The following AOX1 variants were observed in gnomAD, a reference collection of about 807,000 sequenced individuals.
AOX1 encodes the protein aldehyde oxidase.
A neutral mutation model predicts 169.5 loss-of-function variants in AOX1; 153 were observed. The observed-to-expected ratio is 0.90, with a 90% CI of 0.79 to 1.03. The LOEUF is 1.03. Among genes scored for constraint, AOX1 ranks in the 50% least tolerant of loss-of-function variants. The pLI, the probability that AOX1 is intolerant of heterozygous loss-of-function variation, is 0.00. For missense variants in AOX1, 1,656 were observed against 1,663.9 expected, an observed-to-expected ratio of 1.00 and a Z score of 0.08; for synonymous variants, 562 against 581.9, an observed-to-expected ratio of 0.97 and a Z score of 0.49.
intron 10 of AOX1, among the ~76,000 whole-genome samples, chr2:200,607,903 T>A (rs773139587): frequency 6.6e-6 from 1 of 152,008 alleles, no homozygotes; most frequent in Admixed American, 6.6e-5. Flanking sequence ...TACTCATAAG[T>A]GGGAGTTGAA....
intron 5 of AOX1, among the ~76,000 whole-genome samples, chr2:200,600,526 T>C (rs2034391430): frequency 6.6e-6 from 1 of 152,104 alleles, no homozygotes; most frequent in Non-Finnish European, 1.5e-5. Flanking sequence ...TTTTAAGTGA[T>C]ACCCTCTCAA....
intron 24 of AOX1, among the ~76,000 whole-genome samples, chr2:200,642,346 C>T (rs1391919590): frequency 6.6e-6 from 1 of 151,856 alleles, no homozygotes; most frequent in Non-Finnish European, 1.5e-5. Flanking sequence ...TATCAAAGGC[C>T]TTTGTATATA....
Position 200,668,770 on chromosome 2 carries a change from T to C in AOX1, c.3765T>C (p.Pro1255=). The change falls in exon 33 of 35, where the codon CCT becomes CCC. Residue 1255 remains proline, a synonymous_variant. Coordinates refer to ENST00000374700, the MANE Select transcript of AOX1 (RefSeq NM_001159.4). The part of the protein sequence containing the change: ...PTELHIALLP[P]SQNSNTLYSS... The stretch of plus-strand genomic sequence containing the variant: ...AGTTGCACATTGCTTTGTTGCCTCC[T>C]TCTCAAAACTCAAATACTCTTTATT... The C allele has an allele frequency of 1.9e-6, 3 of 1,614,126 alleles. No homozygotes were observed. Among genetic ancestry groups the C allele is most frequent in the Non-Finnish European group, 2.5e-6 (3 of 1,180,012 alleles).
chr2:200,656,272 AGCACAG>A (rs1464754140), intron 26 of AOX1, among the ~76,000 whole-genome samples: 1 of 151,992 alleles, frequency 6.6e-6, no homozygotes, highest in Non-Finnish European at 1.5e-5. Flanking sequence ...ATTCTAGTTT[AGCACAG>A]GCAGATACGC....
intron 6 of AOX1, among the ~76,000 whole-genome samples, chr2:200,602,998 A>C (rs911054585): frequency 6.6e-6 from 1 of 152,184 alleles, no homozygotes; most frequent in African/African-American, 2.4e-5. Flanking sequence ...AATCATTATT[A>C]ATATTTACTA....
intron 16 of AOX1, among the ~76,000 whole-genome samples, chr2:200,618,897 A>C (rs531290223): frequency 2.6e-5 from 4 of 152,376 alleles, no homozygotes; most frequent in Admixed American, 6.5e-5. Flanking sequence ...GGGGGGATCC[A>C]GACAGCTTGT....
downstream of AOX1, chr2:200,678,541 C>A (rs2036128064): frequency 1.3e-5 from 2 of 152,142 alleles, no homozygotes; most frequent in Non-Finnish European, 1.5e-5. Flanking sequence ...GAAATAAGAT[C>A]AACCAACCTA....
intron 16 of AOX1, 59 bp from the exon 17 acceptor site, chr2:200,620,591 A>G: frequency 1.4e-6 from 2 of 1,380,008 alleles, no homozygotes; most frequent in Non-Finnish European, 1.9e-6. Context: ...TGTGCATAAT[A>G]ATAATTCCTA....
chr2:200,595,620 C>G (rs2034267210), intron 3 of AOX1, among the ~76,000 whole-genome samples: 1 of 152,026 alleles, frequency 6.6e-6, no homozygotes, highest in African/African-American at 2.4e-5. Context: ...ACATTTCTAG[C>G]TACTTGGGAG....
At chr2:200,608,918 G>C in intron 10 of AOX1, 66 bp from the exon 11 acceptor site, 5 of 1,428,720 alleles carry the variant, frequency 3.5e-6, no homozygotes, top group Non-Finnish European at 4.8e-6. Context: ...CTGTAGCTTT[G>C]GTCTAATGGA....
chr2:200,603,324 A>T lies in AOX1; in HGVS notation c.556A>T (p.Asn186Tyr). The T allele has an allele frequency of 6.2e-7, 1 of 1,614,024 alleles. No homozygotes were observed. The highest frequency in any genetic ancestry group is 8.5e-7 in the Non-Finnish European group (1 of 1,179,938). The change falls in exon 7 of 35, where the codon AAT becomes TAT. Residue 186 changes from asparagine (N) to tyrosine (Y), a missense_variant. Physicochemically the swap from Asn to Tyr is moderately radical, Grantham distance 143. Coordinates refer to ENST00000374700, the MANE Select transcript of AOX1 (RefSeq NM_001159.4). ...GGTTTGCTGTTTGGATCAAGGAATC[A>T]ATGGATTGCCAGAATTTGAGGAAGG... is the stretch of plus-strand genomic sequence containing the variant. ...NGVCCLDQGI[N>Y]GLPEFEEGSK... is the part of the protein sequence containing the mutation.
intron 26 of AOX1, among the ~76,000 whole-genome samples, chr2:200,655,187 C>T (rs954811389): frequency 4.6e-5 from 7 of 152,172 alleles, no homozygotes; most frequent in South Asian, 2.1e-4. Flanking sequence ...GAGCACCTAC[C>T]GCATGTGTGT....
chr2:200,609,351 C>A lies in AOX1; in HGVS notation c.1090C>A (p.Pro364Thr), dbSNP rs749063275. ...AGGGGGACACATCATTAGCAGGCAT[C>A]CAGATTCAGATCTGAATCCCATCCT... ...SLGGHIISRH[P>T]DSDLNPILAV... Residue 364 changes from proline (P) to threonine (T), a missense_variant, in exon 12 of 35, where the codon CCA (proline) becomes ACA (threonine). By Grantham distance (38) the Pro-to-Thr change is conservative. Coordinates refer to ENST00000374700, the MANE Select transcript of AOX1 (RefSeq NM_001159.4). The A allele has an allele frequency of 1.2e-6, 2 of 1,614,004 alleles. No individual in the cohort carries two copies. The highest frequency in any genetic ancestry group is 1.7e-6 in the Non-Finnish European group (2 of 1,179,906).
chr2:200,661,520 C>A (rs1032299365), intron 29 of AOX1, 59 bp from the exon 30 acceptor site: 4 of 1,348,208 alleles, frequency 3.0e-6, no homozygotes, highest in African/African-American at 1.5e-5. Context: ...AAATTGAAGT[C>A]TTGAGTGATT....
In AOX1 at chr2:200,668,709, A is replaced by G; in HGVS notation, c.3704A>G (p.Gln1235Arg). 6.2e-7 allele frequency: 1 copy of G among 1,614,224 alleles called. No homozygotes were observed. Among genetic ancestry groups the G allele is most frequent in the South Asian group, 1.1e-5 (1 of 91,086 alleles). ...QGILHTRGPD[Q>R]YKIPAICDMP... ...ATTCTGCACACTCGTGGTCCAGACCAATATAAAATCCCTGCCATCTGTGAC... is the reference window on the plus strand; with the variant it reads ...ATTCTGCACACTCGTGGTCCAGACCGATATAAAATCCCTGCCATCTGTGAC... Residue 1235 changes from glutamine to arginine, a missense_variant, in exon 33 of 35, where the codon CAA (glutamine) becomes CGA (arginine). By Grantham distance (43) the Gln-to-Arg change is conservative. Transcript: ENST00000374700.
At chr2:200,616,692 T>C (rs1230209784) in intron 16 of AOX1, among the ~76,000 whole-genome samples, 1 of 152,238 alleles carries the variant, frequency 6.6e-6, no homozygotes, top group Non-Finnish European at 1.5e-5. Flanking sequence ...TGCCACATCA[T>C]AAAAATATGC....
intron 10 of AOX1, among the ~76,000 whole-genome samples, chr2:200,606,773 G>C (rs998450829): frequency 6.6e-6 from 1 of 152,000 alleles, no homozygotes; most frequent in South Asian, 2.1e-4. Flanking sequence ...TCATGATTTG[G>C]CTCTCTGCTT....
intron 27 of AOX1, among the ~76,000 whole-genome samples, chr2:200,657,845 C>T (rs1377637685): frequency 1.3e-5 from 2 of 152,164 alleles, no homozygotes; most frequent in Non-Finnish European, 2.9e-5. Context: ...CACAGTTTCA[C>T]CACATAGAAT....
chr2:200,589,448 A>G (rs2034123316), intron 1 of AOX1, among the ~76,000 whole-genome samples: 1 of 152,156 alleles, frequency 6.6e-6, no homozygotes, highest in South Asian at 2.1e-4. Context: ...CTAGTCAGGG[A>G]TGGGTTTGAA....
Sources: allele counts gnomAD v4.1 joint callset (sites outside exome capture counted in the v4.1 genomes callset), GRCh38; gene constraint gnomAD v4.1.1; transcripts MANE v1.5; gene names NCBI Gene and HGNC (gene_info 2026-07-23, HGNC 2026-07-21).